The following TRPS1 variants were observed in gnomAD, a reference collection of about 807,000 sequenced individuals.
TRPS1 encodes the protein transcriptional repressor GATA binding 1.
TRPS1 carries 6 observed loss-of-function variants against 101.2 expected under a neutral mutation model. The observed-to-expected ratio is 0.06, with a 90% confidence interval of 0.03 to 0.12. The LOEUF (loss-of-function observed/expected upper bound fraction) is 0.12, where lower values mean the gene tolerates loss of function less well. TRPS1 is among the 10% of genes least tolerant of loss of function. The pLI is 1.00. For missense variants in TRPS1, 1,363 were observed against 1,567.0 expected (o/e 0.87, Z 2.20); for synonymous variants, 578 against 589.8 (o/e 0.98, Z 0.29).
chr8:115,559,053 C>A (rs76937265), intron 5 of TRPS1, among the ~76,000 whole-genome samples: 2 of 152,082 alleles, frequency 1.3e-5, no homozygotes, highest in South Asian at 2.1e-4. Flanking sequence ...AAACACCATA[C>A]AATTTCAAGA....
intron 1 of TRPS1, among the ~76,000 whole-genome samples, chr8:115,648,450 C>T (rs998956340): frequency 6.6e-6 from 1 of 152,192 alleles, no homozygotes; most frequent in East Asian, 1.9e-4. Context: ...GCCCGGGGCT[C>T]CTGCGAGAGC....
intron 3 of TRPS1, among the ~76,000 whole-genome samples, chr8:115,605,628 G>A (rs1472805866): frequency 7.9e-5 from 12 of 152,160 alleles, no homozygotes; most frequent in African/African-American, 1.7e-4. Flanking sequence ...AAGAAGAACC[G>A]TGTAAATAAA....
chr8:115,437,913 C>T (rs1187616322), intron 5 of TRPS1, among the ~76,000 whole-genome samples: 1 of 152,108 alleles, frequency 6.6e-6, no homozygotes, highest in African/African-American at 2.4e-5. Context: ...AAAGAAAAGC[C>T]AGGAGTTTTA....
chr8:115,656,032 C>T (rs189942843), intron 1 of TRPS1, among the ~76,000 whole-genome samples: 36 of 152,238 alleles, frequency 2.4e-4, no homozygotes, highest in Admixed American at 2.3e-3. Context: ...ACTCTACTAG[C>T]AACGGAAATA....
intron 3 of TRPS1, among the ~76,000 whole-genome samples, chr8:115,611,109 T>A (rs1337028163): frequency 1.5e-5 from 2 of 136,338 alleles, no homozygotes; most frequent in Non-Finnish European, 3.1e-5. Context: ...AGAGCAAGAC[T>A]CCATATCAAA....
intron 1 of TRPS1, among the ~76,000 whole-genome samples, chr8:115,641,798 T>C (rs553633425): frequency 6.6e-6 from 1 of 152,282 alleles, no homozygotes; most frequent in Admixed American, 6.5e-5. Flanking sequence ...GAGAATCACT[T>C]GAACCTGGGA....
chr8:115,524,319 C>CTTTTTTTTT (rs139406462), intron 5 of TRPS1, among the ~76,000 whole-genome samples: 20 of 70,724 alleles, frequency 2.8e-4, no homozygotes, highest in Non-Finnish European at 3.1e-4. Context: ...CTTCTTCTTC[C>CTTTTTTTTT]TTTTTTTTTT....
At chr8:115,522,865 T>A (rs1430022994) in intron 5 of TRPS1, among the ~76,000 whole-genome samples, 1 of 152,138 alleles carries the variant, frequency 6.6e-6, no homozygotes, top group Non-Finnish European at 1.5e-5. Context: ...CCACCATAAG[T>A]TTCTATACTT....
At chr8:115,612,177 GGAA>G (rs1184947934) in intron 3 of TRPS1, among the ~76,000 whole-genome samples, 1 of 149,538 alleles carries the variant, frequency 6.7e-6, no homozygotes, top group Admixed American at 6.7e-5. Flanking sequence ...AAAGAGAGGA[GGAA>G]GAAGAAGGAA....
chr8:115,558,936 A>T (rs1483126280), intron 5 of TRPS1, among the ~76,000 whole-genome samples: 1 of 152,146 alleles, frequency 6.6e-6, no homozygotes, highest in Non-Finnish European at 1.5e-5. Flanking sequence ...TACCTAAAAA[A>T]ATTCATATGT....
At chr8:115,548,237 A>C (rs1391891586) in intron 5 of TRPS1, among the ~76,000 whole-genome samples, 1 of 152,128 alleles carries the variant, frequency 6.6e-6, no homozygotes, top group African/African-American at 2.4e-5. Flanking sequence ...CAAAAAATAC[A>C]TATATATAAA....
chr8:115,640,278 T>C (rs746867365), intron 1 of TRPS1, among the ~76,000 whole-genome samples: 33 of 152,182 alleles, frequency 2.2e-4, no homozygotes, highest in Non-Finnish European at 3.5e-4. Context: ...TATATGTTAA[T>C]TGGTAAAAGA....
chr8:115,655,237 C>G (rs1312642038), intron 1 of TRPS1, among the ~76,000 whole-genome samples: 16 of 152,182 alleles, frequency 1.1e-4, no homozygotes, highest in Non-Finnish European at 1.5e-5. Flanking sequence ...TAAAACCAAA[C>G]TTGAATGGCA....
At chr8:115,568,578 T>A (rs1273294311) in intron 5 of TRPS1, among the ~76,000 whole-genome samples, 1 of 152,152 alleles carries the variant, frequency 6.6e-6, no homozygotes, top group Non-Finnish European at 1.5e-5. Flanking sequence ...TGCTCTAGTT[T>A]CTGGCATGAG....
At chr8:115,500,274 C>T (rs772947100) in intron 5 of TRPS1, among the ~76,000 whole-genome samples, 4 of 151,978 alleles carry the variant, frequency 2.6e-5, no homozygotes, top group African/African-American at 7.3e-5. Context: ...GTGATCTACC[C>T]GCCTTGGCCT....
intron 1 of TRPS1, among the ~76,000 whole-genome samples, chr8:115,659,114 G>T (rs1811739256): frequency 6.6e-6 from 1 of 152,082 alleles, no homozygotes; most frequent in African/African-American, 2.4e-5. Context: ...GTTTCTTACA[G>T]TAATTTACCA....
intron 5 of TRPS1, among the ~76,000 whole-genome samples, chr8:115,478,397 A>G (rs561561583): frequency 8.5e-5 from 13 of 152,366 alleles, no homozygotes; most frequent in South Asian, 6.2e-4. Context: ...CATAAAACCT[A>G]TAAGTATTAC....
intron 1 of TRPS1, among the ~76,000 whole-genome samples, chr8:115,658,229 G>A (rs1001185450): frequency 6.6e-6 from 1 of 152,016 alleles, no homozygotes; most frequent in Non-Finnish European, 1.5e-5. Flanking sequence ...AATGCCAAAT[G>A]AACTTACAGG....
At chr8:115,454,511 A>AT (rs1813965786) in intron 5 of TRPS1, among the ~76,000 whole-genome samples, 2 of 152,114 alleles carry the variant, frequency 1.3e-5, no homozygotes, top group Admixed American at 6.5e-5. Flanking sequence ...CTATTACTTA[A>AT]TTTTTTTCCT....
Sources: allele counts gnomAD v4.1 joint callset (sites outside exome capture counted in the v4.1 genomes callset), GRCh38; gene constraint gnomAD v4.1.1; transcripts MANE v1.5; gene names NCBI Gene and HGNC (gene_info 2026-07-23, HGNC 2026-07-21).